SPMIP11: variants seen among roughly 807,000 people sequenced by gnomAD.
The protein encoded by SPMIP11 is long intergenic non-protein coding RNA 935.
the SPMIP11 span, among the ~76,000 whole-genome samples, chr12:48,756,771 C>CTTTCTTTTTTTTTTTTTTTTT: frequency 9.2e-6 from 1 of 108,648 alleles, no homozygotes. Flanking sequence ...ATTTTTTTTT[C>CTTTCTTTTTTTTTTTTTTTTT]TTTTTTTCTT....
At chr12:48,761,954 C>T in the SPMIP11 span, among the ~76,000 whole-genome samples, 1 of 150,628 alleles carries the variant, frequency 6.6e-6, no homozygotes, top group Admixed American at 6.6e-5. Flanking sequence ...CCTGCCTCAG[C>T]CCCACAAAGT....
chr12:48,736,003 G>C, the SPMIP11 span: 4 of 364,228 alleles, frequency 1.1e-5, no homozygotes, highest in Non-Finnish European at 2.2e-5. Flanking sequence ...CAGTAGTCTT[G>C]TAGTCTTACA....
At chr12:48,759,567 G>A in the SPMIP11 span, among the ~76,000 whole-genome samples, 156 of 151,828 alleles carry the variant, frequency 1.0e-3, no homozygotes, top group African/African-American at 3.6e-3. Flanking sequence ...CATGCCTGTA[G>A]TCTCAGCTAC....
chr12:48,748,825 T>A, the SPMIP11 span, among the ~76,000 whole-genome samples: 1 of 152,018 alleles, frequency 6.6e-6, no homozygotes. Flanking sequence ...TGCCCATATA[T>A]CTCCTATTAT....
chr12:48,756,113 G>C, the SPMIP11 span, among the ~76,000 whole-genome samples: 1 of 151,428 alleles, frequency 6.6e-6, no homozygotes, highest in African/African-American at 2.4e-5. Flanking sequence ...TCCATCTCCT[G>C]ACCTCGTGAT....
chr12:48,769,210 C>T, the SPMIP11 span: 10 of 808,836 alleles, frequency 1.2e-5, no homozygotes, highest in South Asian at 1.1e-4. Flanking sequence ...TAGTTCAAGA[C>T]GAGCCTGGCC....
chr12:48,755,570 G>A, the SPMIP11 span, among the ~76,000 whole-genome samples: 7 of 152,102 alleles, frequency 4.6e-5, no homozygotes, highest in Non-Finnish European at 8.8e-5. Flanking sequence ...ATATCTCCCA[G>A]CTTGCCAAAA....
chr12:48,745,026 T>C, the SPMIP11 span, among the ~76,000 whole-genome samples: 5 of 151,992 alleles, frequency 3.3e-5, no homozygotes, highest in East Asian at 9.6e-4. Context: ...ATCCCAGCAC[T>C]TTGGGAAGCC....
the SPMIP11 span, chr12:48,765,076 C>T: frequency 1.6e-6 from 1 of 633,132 alleles, no homozygotes. Flanking sequence ...ATTATTTCAT[C>T]TCCGGTCAGT....
At chr12:48,764,908 G>C in the SPMIP11 span, 1 of 702,814 alleles carries the variant, frequency 1.4e-6, no homozygotes, top group Non-Finnish European at 2.6e-6. Flanking sequence ...AGCTTCTGGT[G>C]GTCCCATGAT....
the SPMIP11 span, among the ~76,000 whole-genome samples, chr12:48,756,771 C>CTTTCTTTTT: frequency 1.8e-5 from 2 of 108,648 alleles, no homozygotes; most frequent in Non-Finnish European, 2.4e-5. Flanking sequence ...ATTTTTTTTT[C>CTTTCTTTTT]TTTTTTTCTT....
chr12:48,744,721 AAAT>A, the SPMIP11 span, among the ~76,000 whole-genome samples: 68 of 151,496 alleles, frequency 4.5e-4, 1 homozygote, highest in Middle Eastern at 0.017. Flanking sequence ...TTCCATCTCA[AAAT>A]AATAATAATA....
the SPMIP11 span, among the ~76,000 whole-genome samples, chr12:48,742,727 A>G: frequency 6.6e-6 from 1 of 151,834 alleles, no homozygotes; most frequent in Non-Finnish European, 1.5e-5. Context: ...CTCTACTAAA[A>G]ATACAAAATT....
chr12:48,759,991 GA>G, the SPMIP11 span, among the ~76,000 whole-genome samples: 1 of 151,968 alleles, frequency 6.6e-6, no homozygotes. Context: ...ATTTTTAGTA[GA>G]GGTTGGTTTG....
chr12:48,768,400 G>T, the SPMIP11 span: 1 of 747,302 alleles, frequency 1.3e-6, no homozygotes, highest in African/African-American at 1.8e-5. Context: ...TAATCCTCTC[G>T]GTAGGTAGCC....
At chr12:48,740,110 A>G in the SPMIP11 span, among the ~76,000 whole-genome samples, 3 of 152,112 alleles carry the variant, frequency 2.0e-5, no homozygotes, top group African/African-American at 4.8e-5. Flanking sequence ...CATTTTAGCA[A>G]ATTTGGGAGG....
chr12:48,761,396 A>G, the SPMIP11 span, among the ~76,000 whole-genome samples: 1 of 150,840 alleles, frequency 6.6e-6, no homozygotes, highest in Non-Finnish European at 1.5e-5. Context: ...GGTTGCAGTG[A>G]GCTGAGATGG....
chr12:48,734,595 T>G, the SPMIP11 span, among the ~76,000 whole-genome samples: 1 of 152,322 alleles, frequency 6.6e-6, no homozygotes, highest in African/African-American at 2.4e-5. Flanking sequence ...ACCTCCCTTT[T>G]GAGTGTGGGT....
the SPMIP11 span, among the ~76,000 whole-genome samples, chr12:48,752,735 G>A: frequency 3.4e-5 from 5 of 146,914 alleles, no homozygotes; most frequent in South Asian, 1.1e-3. Context: ...ACAGTGGGGC[G>A]ATCTCGGCTC....
Sources: gnomAD v4.1 joint callset for allele counts (sites outside exome capture counted in the v4.1 genomes callset) on GRCh38, gnomAD v4.1.1 for gene constraint, MANE v1.5 for transcripts, NCBI Gene and HGNC (gene_info 2026-07-23, HGNC 2026-07-21) for gene names.